Variants in FARS2 observed in about 807,000 individuals in gnomAD.
The protein encoded by FARS2 is phenylalanyl-tRNA synthetase 2, mitochondrial.
In FARS2, 40 loss-of-function variants were observed where a neutral mutation model predicts 46.4. The observed-to-expected ratio is 0.86, with a 90% confidence interval of 0.67 to 1.12. The LOEUF is 1.12. Ranked by LOEUF, FARS2 falls within the 50% of genes most tolerant of loss-of-function variation. FARS2 has a pLI of 0.00. For missense variants in FARS2, 513 were observed against 567.9 expected (o/e 0.90, Z 0.98); for synonymous variants, 234 against 214.9 (o/e 1.09, Z -0.78).
chr6:5,685,751 C>T (rs1395277361), intron 6 of FARS2, among the ~76,000 whole-genome samples: 2 of 152,186 alleles, frequency 1.3e-5, no homozygotes. Flanking sequence ...AGGCCTCACC[C>T]AGGACCAGAG....
intron 6 of FARS2, among the ~76,000 whole-genome samples, chr6:5,683,701 C>T (rs1350748488): frequency 1.3e-5 from 2 of 152,088 alleles, no homozygotes; most frequent in South Asian, 2.1e-4. Flanking sequence ...TTGCTGCACC[C>T]GTCAACCCGT....
intron 5 of FARS2, among the ~76,000 whole-genome samples, chr6:5,563,831 TA>T (rs1441177925): frequency 1.3e-5 from 2 of 152,150 alleles, no homozygotes; most frequent in African/African-American, 2.4e-5. Context: ...ACCAATTCCA[TA>T]AAGAAGACTG....
chr6:5,763,691 C>A (rs1379796576), intron 6 of FARS2, among the ~76,000 whole-genome samples: 1 of 151,716 alleles, frequency 6.6e-6, no homozygotes, highest in Non-Finnish European at 1.5e-5. Context: ...AAGCCCAGAG[C>A]AGTTCATTAG....
At chr6:5,326,710 G>T (rs2127573052) in intron 1 of FARS2, among the ~76,000 whole-genome samples, 1 of 152,316 alleles carries the variant, frequency 6.6e-6, no homozygotes, top group Non-Finnish European at 1.5e-5. Flanking sequence ...CCTCAGAGCA[G>T]CAGGGTTTGC....
intron 1 of FARS2, among the ~76,000 whole-genome samples, chr6:5,341,611 C>T (rs1049875722): frequency 6.6e-6 from 1 of 151,832 alleles, no homozygotes; most frequent in East Asian, 1.9e-4. Context: ...CTCCATCTCT[C>T]AGGTTCAAGC....
At position 5,545,132 on chromosome 6, in the gene FARS2, C is replaced by A. The variant is rs369410736; in HGVS notation, c.905-48C>A. Reference sequence around the variant, plus strand: ...CTGTCAGGGAGTGGTATGAACCTATCCAATCTCGATACTTTTTAAAAACAA... The same window carrying A: ...CTGTCAGGGAGTGGTATGAACCTATACAATCTCGATACTTTTTAAAAACAA... On this transcript the variant is annotated intron_variant, in intron 4 of 6. Transcript: ENST00000274680. The A allele has an allele frequency of 1.9e-6, 3 of 1,587,126 alleles. No homozygotes were observed. The African/African-American group carries it at 4.0e-5, about 21-fold the overall frequency.
intron 4 of FARS2, among the ~76,000 whole-genome samples, chr6:5,544,492 G>A (rs1359409336): frequency 2.6e-5 from 4 of 152,172 alleles, no homozygotes; most frequent in Non-Finnish European, 4.4e-5. Flanking sequence ...TCATTCTGCA[G>A]TTTCTATCTT....
At chr6:5,747,197 C>T (rs1442484111) in intron 6 of FARS2, among the ~76,000 whole-genome samples, 1 of 152,200 alleles carries the variant, frequency 6.6e-6, no homozygotes, top group Non-Finnish European at 1.5e-5. Context: ...TCACAAAGAT[C>T]AGGCGAGAGC....
At chr6:5,369,834 C>T (rs1489988926) in intron 2 of FARS2, among the ~76,000 whole-genome samples, 1 of 151,520 alleles carries the variant, frequency 6.6e-6, no homozygotes, top group African/African-American at 2.4e-5. Context: ...ATGTTGTGTG[C>T]ATCTGTTAGA....
intron 5 of FARS2, among the ~76,000 whole-genome samples, chr6:5,604,098 C>T (rs1030957396): frequency 6.6e-6 from 1 of 152,180 alleles, no homozygotes; most frequent in Non-Finnish European, 1.5e-5. Flanking sequence ...TCCTTAAAGG[C>T]CTGGAACACC....
At chr6:5,685,450 A>G (rs112602263) in intron 6 of FARS2, among the ~76,000 whole-genome samples, 5 of 152,254 alleles carry the variant, frequency 3.3e-5, no homozygotes, top group African/African-American at 1.2e-4. Flanking sequence ...GCCTCTTTGC[A>G]ACACCCTGCA....
chr6:5,529,344 T>C (rs1004069157), intron 4 of FARS2, among the ~76,000 whole-genome samples: 1 of 152,208 alleles, frequency 6.6e-6, no homozygotes, highest in Non-Finnish European at 1.5e-5. Flanking sequence ...AGTCTCACTC[T>C]GTCGCCTGGC....
chr6:5,341,833 CTT>C (rs779866388), intron 1 of FARS2, among the ~76,000 whole-genome samples: 2 of 152,068 alleles, frequency 1.3e-5, no homozygotes, highest in Non-Finnish European at 2.9e-5. Flanking sequence ...TTTATCATAA[CTT>C]TATATTCTGC....
chr6:5,744,003 C>A (rs549779926), intron 6 of FARS2, among the ~76,000 whole-genome samples: 13 of 152,346 alleles, frequency 8.5e-5, no homozygotes, highest in African/African-American at 2.6e-4. Context: ...TTAACCCCAG[C>A]TTTCTCACCA....
intron 1 of FARS2, among the ~76,000 whole-genome samples, chr6:5,297,721 C>T (rs556849112): frequency 6.6e-6 from 1 of 152,254 alleles, no homozygotes; most frequent in South Asian, 2.1e-4. Context: ...CTAAGCTTTG[C>T]ATATTTTATG....
At chr6:5,260,605 C>CCCCGGGG, upstream of FARS2, 1 of 822,288 alleles carries the variant, frequency 1.2e-6, no homozygotes, top group Non-Finnish European at 1.9e-6. Context: ...CGGTCCCCGG[C>CCCCGGGG]CCCTGGCCCC....
At chr6:5,431,551 G>A (rs1000177825) in intron 4 of FARS2, 1 of 450,564 alleles carries the variant, frequency 2.2e-6, no homozygotes, top group Admixed American at 2.6e-5. Context: ...ATCCATTTTT[G>A]TTCTTACTGC....
At chr6:5,279,773 G>A (rs1039943828) in intron 1 of FARS2, among the ~76,000 whole-genome samples, 5 of 152,126 alleles carry the variant, frequency 3.3e-5, no homozygotes, top group Admixed American at 6.5e-5. Context: ...TTGAAAGACA[G>A]GCAAAGAGAG....
At chr6:5,538,430 A>G (rs1209489893) in intron 4 of FARS2, among the ~76,000 whole-genome samples, 1 of 152,188 alleles carries the variant, frequency 6.6e-6, no homozygotes, top group Non-Finnish European at 1.5e-5. Context: ...AGAGAAATGT[A>G]CCCTGAACAG....
Sources: allele counts gnomAD v4.1 joint callset (sites outside exome capture counted in the v4.1 genomes callset), GRCh38; gene constraint gnomAD v4.1.1; transcripts MANE v1.5; gene names NCBI Gene and HGNC (gene_info 2026-07-23, HGNC 2026-07-21).